CDX1: variants seen among roughly 807,000 people sequenced by gnomAD.
The protein encoded by CDX1 is homeobox protein CDX-1.
A neutral mutation model predicts 16.9 loss-of-function variants in CDX1; 9 were observed. The observed-to-expected ratio is 0.53, with a 90% confidence interval of 0.32 to 0.93. The LOEUF (loss-of-function observed/expected upper bound fraction) is 0.93. CDX1 is among the 40% of genes least tolerant of loss of function. The pLI is 0.04. For synonymous variants in CDX1, 179 were observed against 179.0 expected, an observed-to-expected ratio of 1.00 and a Z score of 0.00; for missense variants, 393 against 386.1, an observed-to-expected ratio of 1.02 and a Z score of -0.15.
At chr5:150,181,583 A>C (rs551907315) in intron 1 of CDX1, among the ~76,000 whole-genome samples, 7 of 152,190 alleles carry the variant, frequency 4.6e-5, no homozygotes, top group African/African-American at 1.7e-4. Context: ...CTGGCCCTAC[A>C]TGACTCTTTC....
In CDX1 at chr5:150,184,218, A is replaced by G. The variant is rs2113956324; in HGVS notation, c.*538A>G. Reference sequence around the variant, plus strand: ...GCTGGATACTAAGCACAAAGCCCATAGCACTGGGCTCTGATGGCTGCTCCA... The same window carrying G: ...GCTGGATACTAAGCACAAAGCCCATGGCACTGGGCTCTGATGGCTGCTCCA... On this transcript the variant is annotated 3_prime_UTR_variant, in exon 3 of 3. Transcript: ENST00000231656. 6.6e-6 allele frequency: 1 copy of G among 152,444 alleles called. No individual in the cohort carries two copies. Among genetic ancestry groups the G allele is most frequent in the African/African-American group, 2.4e-5 (1 of 41,598 alleles). 9.4% of individuals were successfully genotyped at this position (152,444 alleles called of 1,614,324 possible).
intron 1 of CDX1, among the ~76,000 whole-genome samples, chr5:150,172,833 A>G (rs1761524039): frequency 1.3e-5 from 2 of 152,194 alleles, no homozygotes; most frequent in Non-Finnish European, 2.9e-5. Context: ...TTTGGCAGAT[A>G]TTGCTGCTCA....
intron 1 of CDX1, among the ~76,000 whole-genome samples, chr5:150,167,713 G>A (rs10040299): frequency 0.13 from 19,887 of 152,262 alleles, 1,952 homozygotes; most frequent in African/African-American, 0.28. Context: ...AAAGGCGGCA[G>A]GTTCGCCCCA....
intron 1 of CDX1, among the ~76,000 whole-genome samples, chr5:150,179,275 A>G (rs934501632): frequency 6.6e-6 from 1 of 152,178 alleles, no homozygotes; most frequent in African/African-American, 2.4e-5. Context: ...TCCACCAGAG[A>G]GAAGTTGGCC....
chr5:150,172,904 C>T (rs1761524682), intron 1 of CDX1, among the ~76,000 whole-genome samples: 2 of 152,134 alleles, frequency 1.3e-5, no homozygotes, highest in African/African-American at 4.8e-5. Context: ...TCTGGTGTGT[C>T]CATAGGAAGT....
At position 150,182,928 on chromosome 5, in the gene CDX1, C is replaced by T; in HGVS notation, c.591+15C>T. Reference sequence around the variant, plus strand: ...CTGAACGGCAGGTGTGTCTGTCTTCCTATCTCAGCCATAGGAGCAGTGCGA... The same window carrying T: ...CTGAACGGCAGGTGTGTCTGTCTTCTTATCTCAGCCATAGGAGCAGTGCGA... On this transcript the variant is annotated intron_variant, in intron 2 of 2. Coordinates refer to ENST00000231656, the MANE Select transcript of CDX1 (RefSeq NM_001804.3). 1.3e-6 allele frequency: 2 copies of T among 1,597,706 alleles called. No homozygotes were observed. Among genetic ancestry groups the T allele is most frequent in the African/African-American group, 2.7e-5 (2 of 74,700 alleles).
chr5:150,179,978 C>A (rs1761620501), intron 1 of CDX1, among the ~76,000 whole-genome samples: 1 of 152,240 alleles, frequency 6.6e-6, no homozygotes, highest in Non-Finnish European at 1.5e-5. Context: ...CCTGCCTGGG[C>A]CTCAGTGACC....
intron 1 of CDX1, among the ~76,000 whole-genome samples, chr5:150,176,847 A>G (rs1032529118): frequency 1.3e-5 from 2 of 152,172 alleles, no homozygotes; most frequent in African/African-American, 2.4e-5. Flanking sequence ...GGGAATCTGC[A>G]TTTTCAGCAA....
intron 1 of CDX1, among the ~76,000 whole-genome samples, chr5:150,180,412 AG>A (rs1365729706): frequency 6.6e-6 from 1 of 152,206 alleles, no homozygotes; most frequent in Non-Finnish European, 1.5e-5. Flanking sequence ...CCCAGGGAAA[AG>A]CTGCCCAGGA....
At chr5:150,180,643 G>T (rs1287644067) in intron 1 of CDX1, among the ~76,000 whole-genome samples, 10 of 152,002 alleles carry the variant, frequency 6.6e-5, no homozygotes, top group African/African-American at 2.2e-4. Flanking sequence ...GGCGGGAGGG[G>T]TTGATGGTCT....
Position 150,183,603 on chromosome 5 carries a change from G to T in CDX1, c.721G>T (p.Gly241Trp). 1 of 1,609,998 alleles carries T rather than the reference G, an allele frequency of 6.2e-7. No homozygotes were observed. The highest frequency in any genetic ancestry group is 8.5e-7 in the Non-Finnish European group (1 of 1,177,324). ...ITATPAGPSLGGLCPSNTSLL... is the reference protein window; with the variant it reads ...ITATPAGPSLWGLCPSNTSLL... Reference sequence around the variant, plus strand: ...GGCCACCCCAGCCGGGCCATCCCTGGGGGGCCTGTGTCCCAGCAACACCAG... The same window carrying T: ...GGCCACCCCAGCCGGGCCATCCCTGTGGGGCCTGTGTCCCAGCAACACCAG... Residue 241 changes from glycine to tryptophan, a missense_variant, in exon 3 of 3, where the codon GGG (glycine) becomes TGG (tryptophan). Coordinates refer to ENST00000231656, the MANE Select transcript of CDX1 (RefSeq NM_001804.3).
In CDX1 at chr5:150,183,754, G is replaced by A; in HGVS notation, c.*74G>A. 1 of 1,259,560 alleles carries A rather than the reference G, an allele frequency of 7.9e-7. No homozygotes were observed. The highest frequency in any genetic ancestry group is 1.1e-6 in the Non-Finnish European group (1 of 931,566). 78.0% of individuals were successfully genotyped at this position (1,259,560 alleles called of 1,614,324 possible). A position where few individuals can be genotyped will look rare whatever the true frequency, so the allele number is the denominator to read the frequency against. On this transcript the variant is annotated 3_prime_UTR_variant, in exon 3 of 3. Transcript: ENST00000231656. ...GAGTGTGGCTCCTGTGGGCCCAGGA[G>A]GTCTGGTCCGAGTCTCAGCCCTGAC...
chr5:150,171,171 C>T lies in CDX1; in HGVS notation c.445+3850C>T, dbSNP rs1761500747. 2.0e-5 allele frequency among the ~76,000 whole-genome samples: 3 copies of T among 152,268 alleles called. No individual in the cohort carries two copies. The South Asian group carries it at 6.2e-4, about 32-fold the overall frequency. On this transcript the variant is annotated intron_variant, in intron 1 of 2. Coordinates refer to ENST00000231656, the MANE Select transcript of CDX1 (RefSeq NM_001804.3). The stretch of plus-strand genomic sequence containing the variant: ...CACATTGCAGGTCCTCTCCCTTGGC[C>T]CATTGCCACAGCCACCAACCTGCTG...
chr5:150,182,294 G>A (rs193210881), intron 1 of CDX1, among the ~76,000 whole-genome samples: 21 of 152,354 alleles, frequency 1.4e-4, no homozygotes, highest in Non-Finnish European at 1.5e-5. Flanking sequence ...AGAGTGGAGA[G>A]TTTGTTAAAA....
At chr5:150,177,239 A>G (rs1761579843) in intron 1 of CDX1, among the ~76,000 whole-genome samples, 1 of 152,268 alleles carries the variant, frequency 6.6e-6, no homozygotes, top group African/African-American at 2.4e-5. Context: ...TTCAGCTACA[A>G]TAACAAACAC....
Position 150,166,821 on chromosome 5 carries a change from G to A in CDX1, c.-56G>A, listed in dbSNP as rs775641942. 8.7e-6 allele frequency: 11 copies of A among 1,270,200 alleles called. No homozygotes were observed. Among genetic ancestry groups the A allele is most frequent in the Non-Finnish European group, 9.3e-6 (9 of 972,606 alleles). The allele number at this position is 1,270,200 out of a possible 1,614,324, so 78.7% of individuals were successfully genotyped here. On this transcript the variant is annotated 5_prime_UTR_variant, in exon 1 of 3. Transcript: ENST00000231656. ...AGGTGAGCGGTTGCTCGTCGTCGGG[G>A]CGGCCGGCAGCGGCGGCTCCAGGGC...
At chr5:150,178,577 G>A (rs1038083410) in intron 1 of CDX1, among the ~76,000 whole-genome samples, 2 of 152,190 alleles carry the variant, frequency 1.3e-5, no homozygotes, top group African/African-American at 4.8e-5. Context: ...TCTTGGGGCA[G>A]TTGGGAGTTC....
intron 1 of CDX1, among the ~76,000 whole-genome samples, chr5:150,175,716 G>C (rs1404411537): frequency 6.6e-6 from 1 of 152,164 alleles, no homozygotes; most frequent in African/African-American, 2.4e-5. Context: ...GGGCACAGTG[G>C]AGAGCCCTCC....
In CDX1 at chr5:150,180,096, G is replaced by A. The variant is rs1047513888; in HGVS notation, c.446-2672G>A. ...CCCGATCTCTTCCTCAGTAAAGTGC[G>A]AGGAGACTAAACTCTCACAACCGCT... On this transcript the variant is annotated intron_variant, in intron 1 of 2. Transcript: ENST00000231656. Among the ~76,000 whole-genome samples the A allele has an allele frequency of 2.2e-4, 33 of 152,352 alleles. No homozygotes were observed. The East Asian group carries it at 3.9e-3, about 18-fold the overall frequency.
Sources: gnomAD v4.1 joint callset for allele counts (sites outside exome capture counted in the v4.1 genomes callset) on GRCh38, gnomAD v4.1.1 for gene constraint, MANE v1.5 for transcripts, NCBI Gene and HGNC (gene_info 2026-07-23, HGNC 2026-07-21) for gene names.